Variants in CYP26B1 observed in about 807,000 individuals in gnomAD.
The protein encoded by CYP26B1 is cytochrome P450 26B1.
In CYP26B1, 8 loss-of-function variants were observed where a neutral mutation model predicts 39.1. That is an observed-to-expected ratio of 0.20 (90% confidence interval 0.12 to 0.37). The LOEUF is 0.37. Ranked by LOEUF, CYP26B1 falls within the 10% of genes least tolerant of loss-of-function variation. CYP26B1 has a pLI of 1.00. For missense variants in CYP26B1, 615 were observed against 707.0 expected (o/e 0.87, Z 1.48); for synonymous variants, 321 against 314.3 (o/e 1.02, Z -0.23).
In CYP26B1 at chr2:72,135,242, G is replaced by A. The variant is rs142987158; in HGVS notation, c.607C>T (p.Pro203Ser). 6.2e-7 allele frequency: 1 copy of A among 1,614,066 alleles called. No homozygotes were observed. Among genetic ancestry groups the A allele is most frequent in the Non-Finnish European group, 8.5e-7 (1 of 1,180,006 alleles). Reference protein sequence around the residue: ...AIRVLLGFSIPEEDLGHLFEV... With the variant: ...AIRVLLGFSISEEDLGHLFEV... Reference sequence around the variant, plus strand: ...AAGAGGTGCCCAAGGTCCTCCTCAGGGATGCTGAAGCCCAGCAGCACCCGG... The same window carrying A: ...AAGAGGTGCCCAAGGTCCTCCTCAGAGATGCTGAAGCCCAGCAGCACCCGG... Residue 203 changes from proline to serine, a missense_variant, in exon 3 of 6, where the codon CCT (proline) becomes TCT (serine). Coordinates refer to ENST00000001146, the MANE Select transcript of CYP26B1 (RefSeq NM_019885.4).
intron 2 of CYP26B1, among the ~76,000 whole-genome samples, chr2:72,136,315 C>T (rs1420719158): frequency 1.3e-5 from 2 of 152,198 alleles, no homozygotes; most frequent in Admixed American, 1.3e-4. Flanking sequence ...CCCATGCAAA[C>T]CACACACACG....
At chr2:72,138,670 G>A (rs1676848482) in intron 2 of CYP26B1, among the ~76,000 whole-genome samples, 1 of 152,202 alleles carries the variant, frequency 6.6e-6, no homozygotes, top group Admixed American at 6.5e-5. Flanking sequence ...GGTGCCAGGG[G>A]AGAGCAAGGG....
Position 72,147,722 on chromosome 2 carries a change from G to A in CYP26B1, c.113C>T (p.Ala38Val). ...VSQQLWQLRW[A>V]ATRDKSCKLP... ...CTTGCAGCTCTTGTCGCGAGTGGCG[G>A]CCCAGCGCAGCTGCCACAGCTGCTG... The change falls in exon 1 of 6, where the codon GCC becomes GTC. Residue 38 changes from alanine to valine, a missense_variant. By Grantham distance (64) the Ala-to-Val change is moderately conservative. Coordinates refer to ENST00000001146, the MANE Select transcript of CYP26B1 (RefSeq NM_019885.4). This position sits in a 1 kb window ranked among gnomAD's most constrained non-coding sequence, Gnocchi z 6.1. 2.5e-6 allele frequency: 4 copies of A among 1,596,690 alleles called. No homozygotes were observed. Among genetic ancestry groups the A allele is most frequent in the African/African-American group, 2.7e-5 (2 of 74,434 alleles).
intron 1 of CYP26B1, chr2:72,144,613 G>T (rs920396424): frequency 7.6e-6 from 4 of 527,964 alleles, no homozygotes; most frequent in Non-Finnish European, 9.6e-6. Context: ...GCGAGACCCC[G>T]CGGGGTGGCC....
At chr2:72,133,398 C>T in intron 4 of CYP26B1, 91 bp from the exon 5 acceptor site, 1 of 1,493,908 alleles carries the variant, frequency 6.7e-7, no homozygotes, top group Non-Finnish European at 9.0e-7. Context: ...GTGCCCAGGT[C>T]ATCTGTGCTG....
chr2:72,135,316 G>A lies in CYP26B1; in HGVS notation c.533C>T (p.Ala178Val), dbSNP rs1299608933. ...CTGCGCCTCCTGGTACACGTTGATG[G>A]CCTCGGGGTGGCTGCTCCAGGCGCG... ...TLRAWSSHPE[A>V]INVYQEAQKL... is the part of the protein sequence containing the mutation. Residue 178 changes from alanine (A) to valine (V), a missense_variant, in exon 3 of 6, where the codon GCC (alanine) becomes GTC (valine). Transcript: ENST00000001146. 6.2e-7 allele frequency: 1 copy of A among 1,614,026 alleles called. No homozygotes were observed.
intron 2 of CYP26B1, among the ~76,000 whole-genome samples, chr2:72,139,481 A>C (rs1052271395): frequency 1.2e-4 from 18 of 152,110 alleles, no homozygotes; most frequent in Non-Finnish European, 5.9e-5. Flanking sequence ...TCTGGTTGCG[A>C]GGAGGCTGGC....
chr2:72,144,550 C>A (rs1389733145), intron 1 of CYP26B1: 2 of 1,085,700 alleles, frequency 1.8e-6, no homozygotes, highest in Non-Finnish European at 2.3e-6. Flanking sequence ...ACCCCCACCC[C>A]GCGCTCGGGA....
intron 2 of CYP26B1, among the ~76,000 whole-genome samples, chr2:72,136,297 C>T (rs979404088): frequency 6.6e-6 from 1 of 152,178 alleles, no homozygotes; most frequent in Non-Finnish European, 1.5e-5. Flanking sequence ...GGGAGCCCCC[C>T]ACTCCACCCC....
intron 4 of CYP26B1, 106 bp downstream of exon 4, chr2:72,134,655 C>A: frequency 6.6e-7 from 1 of 1,509,014 alleles, no homozygotes. Flanking sequence ...ATGTGTGGGG[C>A]CAGACTACAG....
intron 1 of CYP26B1, among the ~76,000 whole-genome samples, chr2:72,145,744 T>A (rs2104102751): frequency 6.6e-6 from 1 of 152,190 alleles, no homozygotes; most frequent in African/African-American, 2.4e-5. Context: ...ATAATTAAAG[T>A]GCGTTTTTTG....
At chr2:72,143,349 C>T (rs1042184452) in intron 2 of CYP26B1, among the ~76,000 whole-genome samples, 1 of 152,006 alleles carries the variant, frequency 6.6e-6, no homozygotes, top group African/African-American at 2.4e-5. Context: ...AAGGGATAAA[C>T]ACCCACTTTC....
In CYP26B1 at chr2:72,144,062, C is replaced by T. The variant is rs138734968; in HGVS notation, c.356G>A (p.Arg119His). The T allele has an allele frequency of 6.6e-5, 106 of 1,613,804 alleles. No homozygotes were observed. The African/African-American group carries it at 1.2e-3, about 19-fold the overall frequency. ...EHHLVSTEWP[R>H]STRMLLGPNT... ...GGGGCCCAGCAACATGCGGGTGCTG[C>T]GAGGCCACTCGGTGCTCACGAGGTG... Residue 119 changes from arginine to histidine, a missense_variant, in exon 2 of 6, where the codon CGC becomes CAC. By Grantham distance (29) the Arg-to-His change is conservative. Transcript: ENST00000001146.
At chr2:72,142,071 G>A (rs1230761501) in intron 2 of CYP26B1, among the ~76,000 whole-genome samples, 8 of 138,380 alleles carry the variant, frequency 5.8e-5, no homozygotes, top group African/African-American at 2.2e-4. Context: ...TTTCTGCCCC[G>A]ACCCCAACCC....
At chr2:72,144,495 A>T in intron 1 of CYP26B1, 1 of 1,203,124 alleles carries the variant, frequency 8.3e-7, no homozygotes, top group Non-Finnish European at 1.0e-6. Context: ...TATCCCGGAC[A>T]GCTGGACCCG....
At chr2:72,137,019 C>A (rs958342950) in intron 2 of CYP26B1, among the ~76,000 whole-genome samples, 1 of 152,168 alleles carries the variant, frequency 6.6e-6, no homozygotes, top group East Asian at 1.9e-4. Context: ...GCCTCCATGG[C>A]GGGACAGGGA....
At chr2:72,144,474 G>A (rs1677057924) in intron 1 of CYP26B1, 1 of 1,280,530 alleles carries the variant, frequency 7.8e-7, no homozygotes, top group Non-Finnish European at 9.9e-7. Flanking sequence ...TGACTTTCGA[G>A]AGGAAAGAGG....
At position 72,133,165 on chromosome 2, in the gene CYP26B1, C is replaced by T. The variant is rs767321192; in HGVS notation, c.1004G>A (p.Gly335Asp). The change falls in exon 5 of 6, where the codon GGC becomes GAC. Residue 335 changes from glycine to aspartate, a missense_variant. Transcript: ENST00000001146. Reference sequence around the variant, plus strand: ...CAGTGTGCCCTCGCAGGGGCAGCCGCCACTGTGCAGGATGCCATGAGCCCG... The same window carrying T: ...CAGTGTGCCCTCGCAGGGGCAGCCGTCACTGTGCAGGATGCCATGAGCCCG... ...ELRAHGILHS[G>D]GCPCEGTLRL... 1.2e-6 allele frequency: 2 copies of T among 1,612,566 alleles called. No homozygotes were observed. The highest frequency in any genetic ancestry group is 1.7e-5 in the Admixed American group (1 of 60,002).
At chr2:72,145,351 C>A (rs967819419) in intron 1 of CYP26B1, among the ~76,000 whole-genome samples, 6 of 152,202 alleles carry the variant, frequency 3.9e-5, no homozygotes, top group Non-Finnish European at 8.8e-5. Flanking sequence ...ATCACTTTTC[C>A]ACATGCGCCT....
Sources: allele counts gnomAD v4.1 joint callset (sites outside exome capture counted in the v4.1 genomes callset), GRCh38; gene constraint gnomAD v4.1.1; non-coding constraint Gnocchi (gnomAD v3.1); transcripts MANE v1.5; gene names NCBI Gene and HGNC (gene_info 2026-07-23, HGNC 2026-07-21).